Variants in PTCHD4 observed in about 807,000 individuals in gnomAD.
The protein encoded by PTCHD4 is patched domain-containing protein 4.
A neutral mutation model predicts 58.1 loss-of-function variants in PTCHD4; 33 were observed. The observed-to-expected ratio is 0.57, with a 90% CI of 0.43 to 0.76. The LOEUF (loss-of-function observed/expected upper bound fraction) is 0.76. Ranked by LOEUF, PTCHD4 falls within the 30% of genes least tolerant of loss-of-function variation. PTCHD4 has a pLI of 0.00. For synonymous variants in PTCHD4, 478 were observed against 409.6 expected, an observed-to-expected ratio of 1.17 and a Z score of -2.02; for missense variants, 1,058 against 1,027.1, an observed-to-expected ratio of 1.03 and a Z score of -0.41.
rs557944599 is a variant in PTCHD4 at position 47,868,199 on chromosome 6, T to A, written c.*10104A>T. On this transcript the variant is annotated 3_prime_UTR_variant, in exon 5 of 5. Transcript: ENST00000339488. ...TTTTTTCTCACTTTACCTTTTTTTT[T>A]AAAAAAACACCCTTGTCCTTAATTT... 1.2e-3 allele frequency among the ~76,000 whole-genome samples: 182 copies of A among 151,658 alleles called. 1 individual carries two copies. Among genetic ancestry groups the A allele is most frequent in the Middle Eastern group, 6.8e-3 (2 of 292 alleles).
chr6:47,893,877 C>G (rs982592276), intron 4 of PTCHD4, among the ~76,000 whole-genome samples: 11 of 152,162 alleles, frequency 7.2e-5, no homozygotes, highest in African/African-American at 2.7e-4. Context: ...TGGAAAAATG[C>G]TGATTAACAA....
intron 4 of PTCHD4, among the ~76,000 whole-genome samples, chr6:47,985,711 G>A (rs1343925539): frequency 6.6e-6 from 1 of 150,914 alleles, no homozygotes; most frequent in Non-Finnish European, 1.5e-5. Context: ...AGGAAAGAAA[G>A]GTTGTCATTT....
intron 3 of PTCHD4, among the ~76,000 whole-genome samples, chr6:48,045,563 T>C (rs140930474): frequency 6.6e-6 from 1 of 151,960 alleles, no homozygotes; most frequent in African/African-American, 2.4e-5. Context: ...TAAGAGCTAA[T>C]ATTTACTCAT....
intron 3 of PTCHD4, among the ~76,000 whole-genome samples, chr6:48,065,240 T>A (rs1764757448): frequency 6.6e-6 from 1 of 152,178 alleles, no homozygotes; most frequent in South Asian, 2.1e-4. Flanking sequence ...GCTTCTTTAA[T>A]GTCAAGTAAT....
chr6:47,989,036 C>T lies in PTCHD4; in HGVS notation c.898+19598G>A, dbSNP rs190815217. On this transcript the variant is annotated intron_variant, in intron 4 of 4. Coordinates refer to ENST00000339488, the MANE Select transcript of PTCHD4 (RefSeq NM_001384253.1). ...CCCAAAAGCCTGATAGCGATATGGA[C>T]GATAAGGTTCAGTCTGAGGTGGTCT... Among the ~76,000 whole-genome samples the T allele has an allele frequency of 2.9e-3, 445 of 152,198 alleles. 1 individual carries two copies. The South Asian group carries it at 0.033, about 11-fold the overall frequency.
At chr6:47,996,505 A>G (rs1768493371) in intron 4 of PTCHD4, among the ~76,000 whole-genome samples, 1 of 151,860 alleles carries the variant, frequency 6.6e-6, no homozygotes, top group South Asian at 2.1e-4. Flanking sequence ...GCCCCGCAGT[A>G]CCCTCTGCAC....
intron 4 of PTCHD4, chr6:47,900,620 T>G (rs1240644134): frequency 6.6e-6 from 1 of 152,250 alleles, no homozygotes; most frequent in Non-Finnish European, 1.5e-5. Flanking sequence ...AAGTTCATTC[T>G]TTCTCCATTA....
chr6:47,898,408 T>G (rs1764592236), intron 4 of PTCHD4, among the ~76,000 whole-genome samples: 1 of 152,244 alleles, frequency 6.6e-6, no homozygotes, highest in African/African-American at 2.4e-5. Context: ...GACCCGATCC[T>G]GTGCTTCTCA....
At chr6:48,057,149 C>T (rs62399521) in intron 3 of PTCHD4, among the ~76,000 whole-genome samples, 2,115 of 151,978 alleles carry the variant, frequency 0.014, 31 homozygotes, top group Middle Eastern at 0.038. Context: ...TAAAAAGTCT[C>T]TCCCTCCCTC....
At chr6:47,911,713 C>T (rs781147519) in intron 4 of PTCHD4, among the ~76,000 whole-genome samples, 2 of 151,958 alleles carry the variant, frequency 1.3e-5, no homozygotes, top group Admixed American at 6.6e-5. Context: ...TTGAGATGAC[C>T]GGTAGAGTAG....
intron 4 of PTCHD4, among the ~76,000 whole-genome samples, chr6:47,952,714 G>C (rs190188543): frequency 1.3e-5 from 2 of 152,180 alleles, no homozygotes; most frequent in Admixed American, 1.3e-4. Flanking sequence ...GTACGGATTT[G>C]TAGTTTAGGA....
intron 4 of PTCHD4, among the ~76,000 whole-genome samples, chr6:47,914,659 G>T (rs962961820): frequency 6.7e-5 from 10 of 149,176 alleles, no homozygotes; most frequent in African/African-American, 1.5e-4. Context: ...TATATAAAAA[G>T]ATTTTTATAT....
chr6:47,990,110 T>G (rs1768224932), intron 4 of PTCHD4, among the ~76,000 whole-genome samples: 1 of 152,126 alleles, frequency 6.6e-6, no homozygotes, highest in African/African-American at 2.4e-5. Flanking sequence ...CCTGCTGGAT[T>G]TCAGACCCCT....
At chr6:48,010,818 A>G (rs1244244637) in intron 3 of PTCHD4, among the ~76,000 whole-genome samples, 1 of 151,248 alleles carries the variant, frequency 6.6e-6, no homozygotes, top group Non-Finnish European at 1.5e-5. Context: ...TTGTTGTTCA[A>G]CTCCCACTTT....
chr6:48,102,889 G>A (rs190544615), intron 1 of PTCHD4, among the ~76,000 whole-genome samples: 26 of 152,318 alleles, frequency 1.7e-4, no homozygotes, highest in Middle Eastern at 3.4e-3. Context: ...ACTGCAAGGC[G>A]GCAGTGAGGC....
chr6:48,035,886 AC>A (rs1469171055), intron 3 of PTCHD4, among the ~76,000 whole-genome samples: 2 of 152,076 alleles, frequency 1.3e-5, no homozygotes, highest in Non-Finnish European at 2.9e-5. Context: ...ATAAATTCGC[AC>A]TTTCGTTGGT....
intron 4 of PTCHD4, among the ~76,000 whole-genome samples, chr6:47,992,875 A>G (rs1285030027): frequency 6.6e-6 from 1 of 152,192 alleles, no homozygotes; most frequent in Non-Finnish European, 1.5e-5. Flanking sequence ...GATGTATGTC[A>G]ACCTTGAAAA....
At position 47,878,410 on chromosome 6, in the gene PTCHD4, G is replaced by C; in HGVS notation, c.2425C>G (p.Pro809Ala). 1.2e-6 allele frequency: 2 copies of C among 1,613,328 alleles called. No homozygotes were observed. The highest frequency in any genetic ancestry group is 1.7e-6 in the Non-Finnish European group (2 of 1,179,624). ...TTTTTCTTGTGGTGCTTTTTGGAAG[G>C]GGGGAAAAACGTTAGGAACACAGGT... is the stretch of plus-strand genomic sequence containing the variant. ...ILPVFLTFFP[P>A]SKKHHKKKKR... is the part of the protein sequence containing the mutation. Residue 809 changes from proline to alanine, a missense_variant, in exon 5 of 5, where the codon CCT becomes GCT. Physicochemically the swap from Pro to Ala is conservative, Grantham distance 27. Coordinates refer to ENST00000339488, the MANE Select transcript of PTCHD4 (RefSeq NM_001384253.1).
intron 1 of PTCHD4, among the ~76,000 whole-genome samples, chr6:48,074,337 C>A (rs920023096): frequency 1.3e-5 from 2 of 152,122 alleles, no homozygotes; most frequent in Non-Finnish European, 2.9e-5. Flanking sequence ...AATTAAGAAC[C>A]CAGGTCATTT....
Sources: allele counts gnomAD v4.1 joint callset (sites outside exome capture counted in the v4.1 genomes callset), GRCh38; gene constraint gnomAD v4.1.1; transcripts MANE v1.5; gene names NCBI Gene and HGNC (gene_info 2026-07-23, HGNC 2026-07-21).